MSN: variants seen among roughly 807,000 people sequenced by gnomAD.
MSN encodes epididymis luminal protein 70.
In MSN, 2 loss-of-function variants were observed where a neutral mutation model predicts 48.0. The observed-to-expected ratio is 0.04, with a 90% CI of 0.02 to 0.13. The LOEUF is 0.13. Ranked by LOEUF, MSN falls within the 10% of genes least tolerant of loss-of-function variation. MSN has a pLI of 1.00. For synonymous variants in MSN, 146 were observed against 166.9 expected (o/e 0.87, Z 0.97); for missense variants, 267 against 470.1 (o/e 0.57, Z 3.99).
Position 65,619,472 on chromosome X carries a change from T to G in MSN, c.-22+30860T>G, listed in dbSNP as rs1244218599. ...TTTCATTCATTTCATCTTCCATCGC[T>G]GATACCCTTTCTTCCAGTTGATCGC... On this transcript the variant is annotated intron_variant, in intron 1 of 3. Transcript: ENST00000609672. Among the ~76,000 whole-genome samples the G allele has an allele frequency of 2.1e-3, 206 of 99,464 alleles. 23 individuals carry two copies. Among genetic ancestry groups the G allele is most frequent in the African/African-American group, 0.01 (202 of 19,304 alleles). The allele number at this position is 99,464 out of a possible 115,157, so 86.4% of individuals were successfully genotyped here.
Position 65,722,927 on chromosome X carries a change from G to A in MSN, c.97-4887G>A, listed in dbSNP as rs750379946. Among the ~76,000 whole-genome samples, 58 of 111,576 alleles carry A rather than the reference G, an allele frequency of 5.2e-4. 1 individual carries two copies. Among genetic ancestry groups the A allele is most frequent in the Admixed American group, 9.5e-4 (10 of 10,496 alleles). ...TCTCCGCTCCCCTCTACAGACCTCA[G>A]ATGTAGGTTGCCTCCACATGTCAAA... On this transcript the variant is annotated intron_variant, in intron 2 of 12. Transcript: ENST00000360270.
intron 1 of MSN, among the ~76,000 whole-genome samples, chrX:65,615,456 T>C (rs2070361230): frequency 9.0e-6 from 1 of 110,661 alleles, no homozygotes; most frequent in African/African-American, 3.4e-5. Flanking sequence ...TGATGGCCAG[T>C]GATGGTGAGC....
chrX:65,709,295 T>G (rs1222808867), intron 1 of MSN, among the ~76,000 whole-genome samples: 1 of 112,459 alleles, frequency 8.9e-6, no homozygotes, highest in Admixed American at 9.4e-5. Flanking sequence ...TCACATTTGC[T>G]TCTGAGTTAA....
At chrX:65,691,044 GT>G (rs2071166938) in intron 1 of MSN, among the ~76,000 whole-genome samples, 1 of 111,256 alleles carries the variant, frequency 9.0e-6, no homozygotes, top group Admixed American at 9.6e-5. Context: ...GACACTTTGG[GT>G]TTCTTTTCTC....
chrX:65,619,739 C>T (rs1284737009), intron 1 of MSN, among the ~76,000 whole-genome samples: 3 of 109,247 alleles, frequency 2.7e-5, no homozygotes, highest in South Asian at 3.7e-4. Flanking sequence ...AGCTTTGTTC[C>T]GTTGCTGGTG....
chrX:65,604,809 C>T (rs192814671), intron 1 of MSN, among the ~76,000 whole-genome samples: 1 of 111,935 alleles, frequency 8.9e-6, no homozygotes, highest in Non-Finnish European at 1.9e-5. Context: ...TTCTGCCCAC[C>T]TCCACCACCA....
chrX:65,690,225 T>G (rs2071159298), intron 1 of MSN, among the ~76,000 whole-genome samples: 1 of 112,183 alleles, frequency 8.9e-6, no homozygotes, highest in African/African-American at 3.2e-5. Context: ...CTCTCCTTGC[T>G]ACATGTGACA....
intron 1 of MSN, among the ~76,000 whole-genome samples, chrX:65,636,470 C>T (rs914288043): frequency 9.0e-6 from 1 of 110,901 alleles, no homozygotes; most frequent in Non-Finnish European, 1.9e-5. Context: ...GGTGTGGTGG[C>T]TCATGCCTAT....
intron 1 of MSN, among the ~76,000 whole-genome samples, chrX:65,710,708 T>C (rs1209417026): frequency 9.0e-6 from 1 of 111,462 alleles, no homozygotes; most frequent in Middle Eastern, 4.2e-3. Flanking sequence ...ATACAGAAAC[T>C]ATCTAATGTA....
chrX:65,660,817 G>A (rs191082894), intron 1 of MSN, among the ~76,000 whole-genome samples: 19 of 110,222 alleles, frequency 1.7e-4, no homozygotes, highest in Admixed American at 7.8e-4. Context: ...CGCCCACCTC[G>A]GCCTCCCAAA....
chrX:65,706,489 G>T (rs931653766), intron 1 of MSN, among the ~76,000 whole-genome samples: 1 of 111,945 alleles, frequency 8.9e-6, no homozygotes. Flanking sequence ...AGGTGGAAAT[G>T]AGGTCATTGA....
intron 1 of MSN, among the ~76,000 whole-genome samples, chrX:65,712,604 C>A (rs1410730802): frequency 9.2e-6 from 1 of 108,407 alleles, no homozygotes; most frequent in Non-Finnish European, 1.9e-5. Flanking sequence ...GATCACCACC[C>A]CAAAACCAAG....
chrX:65,727,771 A>G (rs1169057386), intron 2 of MSN, 43 bp from the exon 3 acceptor site: 2 of 1,058,798 alleles, frequency 1.9e-6, no homozygotes, highest in African/African-American at 3.7e-5. Flanking sequence ...CACACAGAGG[A>G]AGTATTCAAT....
chrX:65,727,751 C>T (rs771215972), intron 2 of MSN, 63 bp from the exon 3 acceptor site: 1 of 968,850 alleles, frequency 1.0e-6, no homozygotes. Context: ...ACTTTGTGTC[C>T]TCTGTGCCTC....
At chrX:65,728,275 GT>G (rs200086962) in intron 3 of MSN, among the ~76,000 whole-genome samples, 1 of 110,946 alleles carries the variant, frequency 9.0e-6, no homozygotes, top group Non-Finnish European at 1.9e-5. Context: ...GGGGATTTGT[GT>G]TTTTTTTGTT....
intron 1 of MSN, among the ~76,000 whole-genome samples, chrX:65,710,593 G>C (rs752727445): frequency 1.8e-5 from 2 of 111,974 alleles, no homozygotes; most frequent in African/African-American, 6.5e-5. Flanking sequence ...ATAAAATAAA[G>C]GCAGCAATAA....
intron 1 of MSN, among the ~76,000 whole-genome samples, chrX:65,683,818 A>T (rs1183204366): frequency 1.8e-5 from 2 of 111,962 alleles, no homozygotes; most frequent in Non-Finnish European, 3.8e-5. Context: ...GTTGTAAGAA[A>T]TGAAACAGCA....
chrX:65,649,524 C>T (rs1315349774), intron 1 of MSN, among the ~76,000 whole-genome samples: 4 of 100,233 alleles, frequency 4.0e-5, no homozygotes, highest in Non-Finnish European at 6.0e-5. Flanking sequence ...TGCAGTGAGC[C>T]GAGATCATGC....
intron 1 of MSN, among the ~76,000 whole-genome samples, chrX:65,714,134 CCATT>C (rs1364947031): frequency 8.9e-6 from 1 of 111,866 alleles, no homozygotes. Context: ...GACCTCCACT[CCATT>C]CATGTTCCTG....
Sources: allele counts gnomAD v4.1 joint callset (sites outside exome capture counted in the v4.1 genomes callset), GRCh38; gene constraint gnomAD v4.1.1; transcripts MANE v1.5; gene names NCBI Gene and HGNC (gene_info 2026-07-23, HGNC 2026-07-21).